The following ARHGAP31 variants were observed in gnomAD, a reference collection of about 807,000 sequenced individuals.
ARHGAP31 encodes Rho GTPase activating protein 31, also known as rho GTPase-activating protein 31.
A neutral mutation model predicts 113.9 loss-of-function variants in ARHGAP31; 34 were observed. That is an observed-to-expected ratio of 0.30 (90% CI 0.23 to 0.40). The LOEUF (loss-of-function observed/expected upper bound fraction) is 0.40, where lower values mean the gene tolerates loss of function less well. Ranked by LOEUF, ARHGAP31 falls within the 10% of genes least tolerant of loss-of-function variation. ARHGAP31 has a pLI of 1.00. For missense variants in ARHGAP31, 1,548 were observed against 1,767.1 expected (o/e 0.88, Z 2.22); for synonymous variants, 650 against 684.8 (o/e 0.95, Z 0.79).
At chr3:119,295,998 A>G (rs941795660) in intron 1 of ARHGAP31, among the ~76,000 whole-genome samples, 1 of 152,232 alleles carries the variant, frequency 6.6e-6, no homozygotes, top group South Asian at 2.1e-4. Flanking sequence ...ATAGCCTACT[A>G]TATAGGCCAT....
intron 1 of ARHGAP31, among the ~76,000 whole-genome samples, chr3:119,301,409 AG>A (rs1392161491): frequency 6.6e-6 from 1 of 152,228 alleles, no homozygotes; most frequent in East Asian, 1.9e-4. Context: ...TGTTGAAACT[AG>A]GAACACATTT....
chr3:119,327,657 C>G (rs532717388), intron 1 of ARHGAP31, among the ~76,000 whole-genome samples: 19 of 152,302 alleles, frequency 1.2e-4, no homozygotes, highest in Non-Finnish European at 1.0e-4. Context: ...TGTTTGTCAC[C>G]AGTTCATGTA....
chr3:119,394,928 A>G (rs1351285080), intron 8 of ARHGAP31, among the ~76,000 whole-genome samples: 1 of 152,230 alleles, frequency 6.6e-6, no homozygotes, highest in African/African-American at 2.4e-5. Flanking sequence ...GACATATACT[A>G]AAACTAAAGT....
At chr3:119,332,522 G>A (rs1171881855) in intron 1 of ARHGAP31, among the ~76,000 whole-genome samples, 1 of 151,864 alleles carries the variant, frequency 6.6e-6, no homozygotes, top group African/African-American at 2.4e-5. Flanking sequence ...ATTTTAAGAT[G>A]TGCTTCTACA....
At chr3:119,358,123 T>TA (rs1377068326) in intron 1 of ARHGAP31, among the ~76,000 whole-genome samples, 1 of 152,176 alleles carries the variant, frequency 6.6e-6, no homozygotes, top group Non-Finnish European at 1.5e-5. Flanking sequence ...ATCATAGGTC[T>TA]AATAAGAGTC....
chr3:119,327,758 T>C (rs1332894216), intron 1 of ARHGAP31, among the ~76,000 whole-genome samples: 1 of 152,228 alleles, frequency 6.6e-6, no homozygotes. Flanking sequence ...AGAATTTTGT[T>C]TGTGTTTGTT....
intron 1 of ARHGAP31, among the ~76,000 whole-genome samples, chr3:119,344,182 G>A (rs1316653657): frequency 4.6e-5 from 7 of 152,254 alleles, no homozygotes; most frequent in African/African-American, 1.7e-4. Context: ...ATGCAATACT[G>A]GGGGCATACT....
chr3:119,349,434 G>A (rs1360344520), intron 1 of ARHGAP31, among the ~76,000 whole-genome samples: 2 of 152,160 alleles, frequency 1.3e-5, no homozygotes, highest in African/African-American at 2.4e-5. Context: ...TCTGAAGAAC[G>A]CAGGAGAGAA....
chr3:119,303,492 C>G (rs778513801), intron 1 of ARHGAP31, among the ~76,000 whole-genome samples: 2 of 152,168 alleles, frequency 1.3e-5, no homozygotes, highest in African/African-American at 2.4e-5. Flanking sequence ...ACTCTTTGTT[C>G]TCGTTTAAGC....
chr3:119,318,877 A>G (rs1427875382), intron 1 of ARHGAP31, among the ~76,000 whole-genome samples: 1 of 152,226 alleles, frequency 6.6e-6, no homozygotes, highest in East Asian at 1.9e-4. Flanking sequence ...AAGCTAAGCT[A>G]CATTCCAGTA....
chr3:119,400,706 T>C (rs72968474), intron 9 of ARHGAP31, among the ~76,000 whole-genome samples: 26,818 of 152,154 alleles, frequency 0.18, 2,670 homozygotes, highest in African/African-American at 0.26. Context: ...ATCATTACAC[T>C]TCCTTACAGG....
At chr3:119,404,084 C>T (rs552601272) in intron 10 of ARHGAP31, among the ~76,000 whole-genome samples, 4 of 152,138 alleles carry the variant, frequency 2.6e-5, no homozygotes, top group East Asian at 1.9e-4. Context: ...GTCTGGAAAA[C>T]GATGTCATGG....
chr3:119,412,353 A>C (rs982769892), intron 11 of ARHGAP31, among the ~76,000 whole-genome samples: 1 of 151,634 alleles, frequency 6.6e-6, no homozygotes, highest in Admixed American at 6.6e-5. Context: ...ATGCCACTGC[A>C]CTCCAGCCTG....
rs757179237 is a variant in ARHGAP31, at chr3:119,365,350, A to G, written c.135A>G (p.Ile45Met). ...TTTTGAAGAGCTGTGCAGAATTTAT[A>G]GAGACTCACGGCATCGTGGATGGAA... is the stretch of plus-strand genomic sequence containing the variant. The part of the protein sequence containing the change: ...PYVLKSCAEF[I>M]ETHGIVDGIY... Residue 45 changes from isoleucine (I) to methionine (M), a missense_variant, in exon 2 of 12, where the codon ATA becomes ATG. Ile to Met is a conservative substitution (Grantham distance 10, BLOSUM62 1). Coordinates refer to ENST00000264245, the MANE Select transcript of ARHGAP31 (RefSeq NM_020754.4). The G allele has an allele frequency of 1.9e-6, 3 of 1,614,162 alleles. No homozygotes were observed. Among genetic ancestry groups the G allele is most frequent in the Non-Finnish European group, 1.7e-6 (2 of 1,180,034 alleles).
intron 1 of ARHGAP31, among the ~76,000 whole-genome samples, chr3:119,350,608 A>C (rs1278160627): frequency 6.6e-6 from 1 of 152,200 alleles, no homozygotes; most frequent in East Asian, 1.9e-4. Context: ...GAGGACCTTC[A>C]GATGAACTAG....
At chr3:119,304,562 C>T (rs948739829) in intron 1 of ARHGAP31, among the ~76,000 whole-genome samples, 2 of 152,110 alleles carry the variant, frequency 1.3e-5, no homozygotes, top group Non-Finnish European at 2.9e-5. Context: ...GCTGAGGGTA[C>T]TTAGAGTGGT....
chr3:119,370,263 G>C (rs2080287037), intron 3 of ARHGAP31, among the ~76,000 whole-genome samples: 1 of 152,160 alleles, frequency 6.6e-6, no homozygotes, highest in Non-Finnish European at 1.5e-5. Context: ...ATTTGGTTAA[G>C]AGTAATCCTA....
intron 1 of ARHGAP31, among the ~76,000 whole-genome samples, chr3:119,364,815 A>G (rs1414848781): frequency 1.3e-5 from 2 of 152,218 alleles, no homozygotes; most frequent in Non-Finnish European, 2.9e-5. Flanking sequence ...ATTCTTGGCC[A>G]GGTGTAGTGG....
At chr3:119,325,530 C>G (rs543932880) in intron 1 of ARHGAP31, among the ~76,000 whole-genome samples, 2 of 152,082 alleles carry the variant, frequency 1.3e-5, no homozygotes, top group Non-Finnish European at 2.9e-5. Context: ...TGTTGCAGTC[C>G]TGTATTCTGG....
Sources: gnomAD v4.1 joint callset for allele counts (sites outside exome capture counted in the v4.1 genomes callset) on GRCh38, gnomAD v4.1.1 for gene constraint, MANE v1.5 for transcripts, NCBI Gene and HGNC (gene_info 2026-07-23, HGNC 2026-07-21) for gene names.